LINGO2: variants seen among roughly 807,000 people sequenced by gnomAD.
LINGO2 encodes the protein leucine-rich repeat and immunoglobulin-like domain-containing nogo receptor-interacting protein 2.
Under a neutral mutation model 30.6 loss-of-function variants are expected in LINGO2, and 14 were observed. That is an observed-to-expected ratio of 0.46 (90% CI 0.30 to 0.72). LINGO2 has a LOEUF of 0.72. Among genes scored for constraint, LINGO2 ranks in the 30% least tolerant of loss-of-function variants. LINGO2 has a pLI of 0.07. For synonymous variants in LINGO2, 317 were observed against 288.5 expected (o/e 1.10, Z -1.00); for missense variants, 729 against 751.7 (o/e 0.97, Z 0.35).
At chr9:28,924,815 T>C in the LINGO2 span, among the ~76,000 whole-genome samples, 3 of 152,240 alleles carry the variant, frequency 2.0e-5, no homozygotes, top group African/African-American at 7.2e-5. Context: ...AAAACTGTTA[T>C]ATCCTCTTGA....
intron 4 of LINGO2, among the ~76,000 whole-genome samples, chr9:28,229,030 G>C (rs1821266622): frequency 6.6e-6 from 1 of 151,676 alleles, no homozygotes; most frequent in Non-Finnish European, 1.5e-5. Flanking sequence ...TCAGAATAGA[G>C]ATCATTCTCA....
intron 5 of LINGO2, among the ~76,000 whole-genome samples, 182 bp from the exon 7 acceptor site, chr9:27,950,888 C>T (rs1046852808): frequency 4.6e-5 from 7 of 151,354 alleles, no homozygotes; most frequent in African/African-American, 1.5e-4. Context: ...GTTATTTAAT[C>T]TCTCTGCATT....
intron 4 of LINGO2, among the ~76,000 whole-genome samples, chr9:28,235,367 G>C (rs1258135914): frequency 6.6e-6 from 1 of 152,112 alleles, no homozygotes; most frequent in Non-Finnish European, 1.5e-5. Flanking sequence ...CCCCAGGAAG[G>C]ACATATGCAA....
intron 4 of LINGO2, among the ~76,000 whole-genome samples, chr9:28,146,185 G>A (rs183458253): frequency 4.5e-4 from 69 of 152,312 alleles, no homozygotes; most frequent in Admixed American, 3.7e-3. Context: ...CCCTTCAGAT[G>A]TAACTGCCCA....
At chr9:27,989,445 CTGTGTGTGTGTG>C (rs5897262) in intron 5 of LINGO2, among the ~76,000 whole-genome samples, 37,986 of 150,426 alleles carry the variant, frequency 0.25, 5,385 homozygotes, top group South Asian at 0.36. Context: ...TGAATGCTCT[CTGTGTGTGTGTG>C]TGTGTGTGTG....
At chr9:28,377,821 G>T (rs1387210133) in intron 2 of LINGO2, among the ~76,000 whole-genome samples, 4 of 152,112 alleles carry the variant, frequency 2.6e-5, no homozygotes, top group Non-Finnish European at 4.4e-5. Context: ...TGCAATAAAT[G>T]TAAGGATTTT....
chr9:28,223,991 A>G (rs1264720466), intron 4 of LINGO2, among the ~76,000 whole-genome samples: 2 of 152,226 alleles, frequency 1.3e-5, no homozygotes, highest in Non-Finnish European at 2.9e-5. Flanking sequence ...GTGGAAGTTC[A>G]TCTACTTTCA....
At chr9:28,934,221 T>C in the LINGO2 span, among the ~76,000 whole-genome samples, 2 of 152,240 alleles carry the variant, frequency 1.3e-5, no homozygotes, top group African/African-American at 4.8e-5. Context: ...CCTGTTACAC[T>C]GGTTTATGCT....
At chr9:29,060,638 A>G in the LINGO2 span, among the ~76,000 whole-genome samples, 3 of 152,072 alleles carry the variant, frequency 2.0e-5, no homozygotes, top group African/African-American at 7.2e-5. Flanking sequence ...AAAACCAAAC[A>G]TATCTGAAAT....
the LINGO2 span, among the ~76,000 whole-genome samples, chr9:29,038,488 G>A: frequency 6.6e-6 from 1 of 151,936 alleles, no homozygotes; most frequent in African/African-American, 2.4e-5. Context: ...TGCCATGACT[G>A]TGTTTCTCAC....
At chr9:28,443,265 G>T (rs1301089258) in intron 2 of LINGO2, among the ~76,000 whole-genome samples, 1 of 152,192 alleles carries the variant, frequency 6.6e-6, no homozygotes, top group African/African-American at 2.4e-5. Context: ...TATCCTTAAT[G>T]GATAATGTCA....
chr9:28,035,666 A>T (rs186449111), intron 4 of LINGO2, among the ~76,000 whole-genome samples: 1 of 152,326 alleles, frequency 6.6e-6, no homozygotes, highest in Admixed American at 6.5e-5. Context: ...AACATTTTTA[A>T]AATTCTATGA....
At chr9:28,307,358 G>C (rs1055682860) in intron 3 of LINGO2, among the ~76,000 whole-genome samples, 1 of 151,954 alleles carries the variant, frequency 6.6e-6, no homozygotes, top group Admixed American at 6.6e-5. Flanking sequence ...ATGCAGAAAA[G>C]GCCTTTGACA....
rs542736580 is a variant in LINGO2 at position 28,260,845 on chromosome 9, G to A, written c.-87+34363C>T. On this transcript the variant is annotated intron_variant, in intron 4 of 5. Transcript: ENST00000379992. ...TTCTCTGCAATGTGGTTGATGCTGG[G>A]GTTTTATAAATCAACTGGATATTCA... Among the ~76,000 whole-genome samples the A allele has an allele frequency of 5.9e-5, 9 of 151,882 alleles. No individual in the cohort carries two copies. The South Asian group carries it at 1.9e-3, about 32-fold the overall frequency.
the LINGO2 span, among the ~76,000 whole-genome samples, chr9:28,817,106 C>T: frequency 6.6e-6 from 1 of 151,930 alleles, no homozygotes; most frequent in Non-Finnish European, 1.5e-5. Context: ...ATAAGTTTTG[C>T]CAAAACACTG....
the LINGO2 span, among the ~76,000 whole-genome samples, chr9:28,857,212 G>T: frequency 6.6e-6 from 1 of 151,970 alleles, no homozygotes; most frequent in South Asian, 2.1e-4. Flanking sequence ...CCTTGGAACA[G>T]ATAGAATTTT....
At chr9:28,758,902 C>T in the LINGO2 span, among the ~76,000 whole-genome samples, 5 of 152,128 alleles carry the variant, frequency 3.3e-5, no homozygotes, top group African/African-American at 7.2e-5. Flanking sequence ...TGGAGATTAC[C>T]AATCCTGTGA....
chr9:28,790,414 C>T, the LINGO2 span, among the ~76,000 whole-genome samples: 2 of 148,040 alleles, frequency 1.4e-5, no homozygotes, highest in South Asian at 2.2e-4. Context: ...CTGAAAGCTC[C>T]GCCTCCCGGG....
the LINGO2 span, among the ~76,000 whole-genome samples, chr9:29,055,936 G>GTATATATATATATATATATAGACATATA: frequency 8.2e-6 from 1 of 121,862 alleles, no homozygotes; most frequent in Non-Finnish European, 1.8e-5. Context: ...GTGTATGTGT[G>GTATATATATATATATATATAGACATATA]TGTGTATATA....
Sources: allele counts gnomAD v4.1 joint callset (sites outside exome capture counted in the v4.1 genomes callset), GRCh38; gene constraint gnomAD v4.1.1; transcripts MANE v1.5; gene names NCBI Gene and HGNC (gene_info 2026-07-23, HGNC 2026-07-21).